The following KCP variants were observed in gnomAD, a reference collection of about 807,000 sequenced individuals.
The protein encoded by KCP is kielin cysteine rich BMP regulator, also known as kielin/chordin-like protein.
In KCP, 194 loss-of-function variants were observed where a neutral mutation model predicts 212.7. The observed-to-expected ratio is 0.91, with a 90% CI of 0.81 to 1.03. The LOEUF (loss-of-function observed/expected upper bound fraction) is 1.03, where lower values mean the gene tolerates loss of function less well. KCP is among the 50% of genes least tolerant of loss of function. KCP has a pLI of 0.00. For missense variants in KCP, 2,080 were observed against 2,162.5 expected (o/e 0.96, Z 0.76); for synonymous variants, 833 against 865.3 (o/e 0.96, Z 0.65).
Position 128,893,984 on chromosome 7 carries a change from G to A in KCP, c.997C>T (p.Arg333Cys), listed in dbSNP as rs768285752. The change falls in exon 10 of 40, where the codon CGC becomes TGC. Residue 333 changes from arginine (R) to cysteine (C), a missense_variant. By Grantham distance (180) the Arg-to-Cys change is radical. Coordinates refer to ENST00000610776, the MANE Select transcript of KCP (RefSeq NM_001366122.1). The part of the protein sequence containing the change: ...VGSGDPCSHC[R>C]CANGSVQCEP... ...CAGGCAGCCACACTCACAGCACAGC[G>A]GCAGTGCGAGCAGGGGTCCCCTGAG... The A allele has an allele frequency of 6.8e-5, 105 of 1,549,988 alleles. 1 individual carries two copies. The South Asian group carries it at 6.9e-4, about 10-fold the overall frequency.
chr7:128,903,971 G>A (rs1299304052), intron 6 of KCP, 85 bp downstream of exon 6: 1 of 1,388,896 alleles, frequency 7.2e-7, no homozygotes, highest in East Asian at 2.5e-5. Flanking sequence ...ATGTGAGGGG[G>A]CTGGAGGAGT....
At chr7:128,905,840 T>G (rs1359240443) in intron 5 of KCP, among the ~76,000 whole-genome samples, 1 of 152,042 alleles carries the variant, frequency 6.6e-6, no homozygotes, top group African/African-American at 2.4e-5. Flanking sequence ...GAACCCCACT[T>G]TCCCATGAAG....
Position 128,901,620 on chromosome 7 carries a change from C to T in KCP, c.831+1157G>A, listed in dbSNP as rs141431874. On this transcript the variant is annotated intron_variant, in intron 8 of 39. Transcript: ENST00000610776. ...CAGCCTGGATGACAGAGCAAGACTC[C>T]GCCTCAAAAAAAAAAAACACATAAA... 1.4e-3 allele frequency among the ~76,000 whole-genome samples: 199 copies of T among 146,490 alleles called. 3 individuals are homozygous for T. The highest frequency in any genetic ancestry group is 0.01 in the Admixed American group (154 of 15,196).
At chr7:128,879,221 A>G (rs896540928) in intron 37 of KCP, 24 of 438,466 alleles carry the variant, frequency 5.5e-5, no homozygotes, top group Admixed American at 2.9e-4. Context: ...CATCCTCCCC[A>G]CTGCCACTGA....
chr7:128,901,991 T>C (rs1047594942), intron 8 of KCP, among the ~76,000 whole-genome samples: 14 of 152,362 alleles, frequency 9.2e-5, no homozygotes, highest in African/African-American at 3.4e-4. Context: ...GAAGATGTTC[T>C]AGATCTGTGC....
At chr7:128,893,690 T>C in intron 11 of KCP, 116 bp downstream of exon 11, 1 of 1,173,084 alleles carries the variant, frequency 8.5e-7, no homozygotes, top group Non-Finnish European at 1.2e-6. Context: ...TGGTGAGGAC[T>C]CACTTTGGGA....
In KCP at chr7:128,880,376, C is replaced by T. The variant is rs1405024555; in HGVS notation, c.3759+10G>A. On this transcript the variant is annotated intron_variant, in intron 34 of 39. Transcript: ENST00000610776. Reference sequence around the variant, plus strand: ...TGACCCTCCCCACCATTTTAGATTGCGGCACTCACGGGGCCACACGAGAGC... The same window carrying T: ...TGACCCTCCCCACCATTTTAGATTGTGGCACTCACGGGGCCACACGAGAGC... 8 of 1,492,948 alleles carry T rather than the reference C, an allele frequency of 5.4e-6. No individual in the cohort carries two copies. Among genetic ancestry groups the T allele is most frequent in the South Asian group, 1.3e-5 (1 of 78,412 alleles). 92.5% of individuals were successfully genotyped at this position (1,492,948 alleles called of 1,614,324 possible). A position where few individuals can be genotyped will look rare whatever the true frequency, so the allele number is the denominator to read the frequency against.
Position 128,880,499 on chromosome 7 carries a change from G to C in KCP, c.3646C>G (p.Arg1216Gly), listed in dbSNP as rs748320181. The change falls in exon 34 of 40, where the codon CGT becomes GGT. Residue 1216 changes from arginine (R) to glycine (G), a missense_variant. Transcript: ENST00000610776. ...CAGCGCTCTCCAGAGGCCACCTCAC[G>C]GCCCTGGTGCACGCAGGACTGGGTG... ...APTQSCVHQG[R>G]EVASGERWTV... The C allele has an allele frequency of 2.0e-6, 3 of 1,525,946 alleles. No individual in the cohort carries two copies. Among genetic ancestry groups the C allele is most frequent in the African/African-American group, 2.8e-5 (2 of 72,492 alleles). 94.5% of individuals were successfully genotyped at this position (1,525,946 alleles called of 1,614,324 possible).
chr7:128,899,655 G>A (rs1161855695), intron 8 of KCP, among the ~76,000 whole-genome samples: 1 of 152,150 alleles, frequency 6.6e-6, no homozygotes, highest in Non-Finnish European at 1.5e-5. Context: ...CAAAATTGGA[G>A]CATATTTATT....
Position 128,891,527 on chromosome 7 carries a change from G to T in KCP, c.1802C>A (p.Ala601Asp). The change falls in exon 18 of 40, where the codon GCC becomes GAC. Residue 601 changes from alanine to aspartate, a missense_variant. Ala to Asp is a moderately radical substitution (Grantham distance 126). Transcript: ENST00000610776. ...GCTGGGGTACTCTTTCCCGCCAAAG[G>T]CACAGCCTGGGGGAGGGAGGGGCTA... ...TCCPNDCSGC[A>D]FGGKEYPSGA... The T allele has an allele frequency of 5.2e-6, 8 of 1,549,146 alleles. No individual in the cohort carries two copies. Among genetic ancestry groups the T allele is most frequent in the Non-Finnish European group, 7.0e-6 (8 of 1,146,074 alleles).
At position 128,878,716 on chromosome 7, in the gene KCP, A is replaced by G. The variant is rs1455686055; in HGVS notation, c.4153T>C (p.Trp1385Arg). Residue 1385 changes from tryptophan (W) to arginine (R), a missense_variant, in exon 38 of 40, where the codon TGG (tryptophan) becomes CGG (arginine). Physicochemically the swap from Trp to Arg is moderately radical, Grantham distance 101 (BLOSUM62 -3). Coordinates refer to ENST00000610776, the MANE Select transcript of KCP (RefSeq NM_001366122.1). Reference protein sequence around the residue: ...LHAQPGLQVLWDGQSQVEVSV... With the variant: ...LHAQPGLQVLRDGQSQVEVSV... ...ACCTCCACCTGGGACTGCCCATCCC[A>G]CAGCACCTGTGTGGAGAGGCCTGAG... 1 of 1,549,440 alleles carries G rather than the reference A, an allele frequency of 6.5e-7. No individual in the cohort carries two copies. The highest frequency in any genetic ancestry group is 1.2e-5 in the South Asian group (1 of 84,030).
intron 38 of KCP, among the ~76,000 whole-genome samples, chr7:128,878,016 G>A (rs1260374985): frequency 1.3e-5 from 2 of 151,884 alleles, no homozygotes; most frequent in African/African-American, 2.4e-5. Context: ...CAGCCAGTGA[G>A]TGGCAAAGCA....
intron 2 of KCP, among the ~76,000 whole-genome samples, chr7:128,908,157 G>A (rs1244391125): frequency 1.7e-5 from 2 of 119,784 alleles, no homozygotes; most frequent in East Asian, 3.1e-4. Flanking sequence ...GAGAGAGAGA[G>A]AAAGAGAGAA....
At chr7:128,880,787 G>T in intron 32 of KCP, 66 bp from the exon 33 acceptor site, 1 of 403,768 alleles carries the variant, frequency 2.5e-6, no homozygotes, top group Non-Finnish European at 4.4e-6. Flanking sequence ...CATGCTTCTG[G>T]GGGCCTCTGG....
At chr7:128,896,141 C>T (rs1794505307) in intron 8 of KCP, among the ~76,000 whole-genome samples, 1 of 152,116 alleles carries the variant, frequency 6.6e-6, no homozygotes, top group Admixed American at 6.5e-5. Flanking sequence ...CTGGTAATAT[C>T]TTTCTGGTGA....
Position 128,892,590 on chromosome 7 carries a change from G to C in KCP, c.1545C>G (p.Cys515Trp). Residue 515 changes from cysteine to tryptophan, a missense_variant, in exon 16 of 40, where the codon TGC becomes TGG. Coordinates refer to ENST00000610776, the MANE Select transcript of KCP (RefSeq NM_001366122.1). Reference sequence around the variant, plus strand: ...TCGTGGGAGGGCAGTCAACCAAGGAGCATGTCACAGTTCCATCCTGCGAGA... The same window carrying C: ...TCGTGGGAGGGCAGTCAACCAAGGACCATGTCACAGTTCCATCCTGCGAGA... ...ACHCQDGTVT[C>W]SLVDCPPTTC... 4 of 1,550,956 alleles carry C rather than the reference G, an allele frequency of 2.6e-6. No homozygotes were observed.
chr7:128,891,499 T>C lies in KCP; in HGVS notation c.1830A>G (p.Gly610=), dbSNP rs1421053821. The C allele has an allele frequency of 1.9e-6, 3 of 1,549,780 alleles. No homozygotes were observed. The highest frequency in any genetic ancestry group is 2.6e-6 in the Non-Finnish European group (3 of 1,146,630). The change falls in exon 18 of 40, where the codon GGA becomes GGG. Residue 610 remains glycine (G), a synonymous_variant. Transcript: ENST00000610776. ...GGTCAGAGGGGTGGGGGAAGTCCGC[T>C]CCGCTGGGGTACTCTTTCCCGCCAA... ...CAFGGKEYPS[G]ADFPHPSDPC...
chr7:128,883,117 A>G (rs1036096848), intron 29 of KCP, among the ~76,000 whole-genome samples: 3 of 151,662 alleles, frequency 2.0e-5, no homozygotes, highest in Admixed American at 2.0e-4. Flanking sequence ...TAGGATTATC[A>G]TTAAAAAAAA....
At chr7:128,901,973 C>A (rs1794875301) in intron 8 of KCP, among the ~76,000 whole-genome samples, 1 of 152,228 alleles carries the variant, frequency 6.6e-6, no homozygotes, top group Admixed American at 6.5e-5. Flanking sequence ...AAACACCACC[C>A]CACCCATGAA....
Sources: gnomAD v4.1 joint callset for allele counts (sites outside exome capture counted in the v4.1 genomes callset) on GRCh38, gnomAD v4.1.1 for gene constraint, MANE v1.5 for transcripts, NCBI Gene and HGNC (gene_info 2026-07-23, HGNC 2026-07-21) for gene names.